The following CDH13 variants were observed in gnomAD, a reference collection of about 807,000 sequenced individuals.
CDH13 encodes cadherin-13.
CDH13 carries 24 observed loss-of-function variants against 63.8 expected under a neutral mutation model. That is an observed-to-expected ratio of 0.38 (90% CI 0.27 to 0.53). CDH13 has a LOEUF of 0.53. CDH13 is among the 20% of genes least tolerant of loss of function. CDH13 has a pLI of 0.85. For synonymous variants in CDH13, 503 were observed against 355.3 expected, an observed-to-expected ratio of 1.42 and a Z score of -4.67; for missense variants, 1,049 against 903.1, an observed-to-expected ratio of 1.16 and a Z score of -2.07.
At chr16:83,157,064 C>G (rs1430479891) in intron 4 of CDH13, among the ~76,000 whole-genome samples, 1 of 152,176 alleles carries the variant, frequency 6.6e-6, no homozygotes, top group Non-Finnish European at 1.5e-5. Flanking sequence ...CCAATGACGT[C>G]AGGCCACTGT....
chr16:83,485,272 G>A (rs894374337), intron 6 of CDH13, among the ~76,000 whole-genome samples: 1 of 152,204 alleles, frequency 6.6e-6, no homozygotes, highest in Non-Finnish European at 1.5e-5. Context: ...TAGATGCCAA[G>A]GAGGCGAAGG....
chr16:83,374,904 G>A (rs1423416308), intron 6 of CDH13, among the ~76,000 whole-genome samples: 2 of 152,166 alleles, frequency 1.3e-5, no homozygotes, highest in African/African-American at 2.4e-5. Context: ...ACATCCAAAT[G>A]TGGGCAGCCT....
At chr16:83,728,416 C>T (rs1376535235) in intron 10 of CDH13, among the ~76,000 whole-genome samples, 1 of 151,316 alleles carries the variant, frequency 6.6e-6, no homozygotes, top group African/African-American at 2.4e-5. Context: ...AAGGTCTTGA[C>T]AAACAACAGT....
At chr16:83,084,039 G>A (rs1329131043) in intron 3 of CDH13, among the ~76,000 whole-genome samples, 6 of 152,130 alleles carry the variant, frequency 3.9e-5, no homozygotes, top group Admixed American at 3.9e-4. Context: ...ACTACACTTT[G>A]TGGCCACATG....
At chr16:83,373,599 G>T (rs12597486) in intron 6 of CDH13, among the ~76,000 whole-genome samples, 24,886 of 152,188 alleles carry the variant, frequency 0.16, 3,091 homozygotes, top group African/African-American at 0.35. Flanking sequence ...AGGTGTTGGA[G>T]AGAGGCAGGC....
At chr16:82,711,392 G>C (rs1249939928) in intron 1 of CDH13, among the ~76,000 whole-genome samples, 1 of 152,136 alleles carries the variant, frequency 6.6e-6, no homozygotes, top group African/African-American at 2.4e-5. Context: ...TGGCACTTGG[G>C]ATTCTGGAAT....
intron 5 of CDH13, among the ~76,000 whole-genome samples, chr16:83,239,587 G>A (rs1904299294): frequency 6.6e-6 from 1 of 152,120 alleles, no homozygotes; most frequent in African/African-American, 2.4e-5. Context: ...AAGAAAATAG[G>A]CATAGCATCA....
chr16:83,373,474 C>A (rs763026338), intron 6 of CDH13, among the ~76,000 whole-genome samples: 2 of 151,908 alleles, frequency 1.3e-5, no homozygotes, highest in Non-Finnish European at 2.9e-5. Flanking sequence ...AACCTATGTA[C>A]GAAGACCTGA....
In CDH13 at chr16:83,236,237, G is replaced by GCACACACACACACA. The variant is rs3049880; in HGVS notation, c.636+18753_636+18766dup. ...AGCCCCCTGCAACACACACGCACATGCACACACACACACACACACACACAC... is the reference window on the plus strand; with the variant it reads ...AGCCCCCTGCAACACACACGCACATGCACACACACACACACACACACACACACACACACACACAC... On this transcript the variant is annotated intron_variant, in intron 5 of 13. Transcript: ENST00000567109. 4.4e-3 allele frequency among the ~76,000 whole-genome samples: 660 copies of GCACACACACACACA among 148,994 alleles called. 10 individuals are homozygous for GCACACACACACACA. Among genetic ancestry groups the GCACACACACACACA allele is most frequent in the African/African-American group, 0.015 (601 of 40,396 alleles).
At chr16:83,374,130 C>T (rs1444496365) in intron 6 of CDH13, among the ~76,000 whole-genome samples, 1 of 152,186 alleles carries the variant, frequency 6.6e-6, no homozygotes, top group East Asian at 1.9e-4. Flanking sequence ...TGCTGCTGTT[C>T]CATAAAGCAA....
chr16:82,824,377 G>C (rs2038143967), intron 1 of CDH13: 1 of 152,056 alleles, frequency 6.6e-6, no homozygotes, highest in Non-Finnish European at 1.5e-5. Context: ...ATTAACTAGT[G>C]GATGAAGAGA....
intron 1 of CDH13, among the ~76,000 whole-genome samples, chr16:82,833,630 G>A (rs186779800): frequency 3.9e-4 from 60 of 152,186 alleles, no homozygotes; most frequent in Admixed American, 1.4e-3. Context: ...CTTCCCTCCC[G>A]CTCTGTTCTT....
chr16:82,778,698 C>T (rs1350761108), intron 1 of CDH13, among the ~76,000 whole-genome samples: 1 of 150,482 alleles, frequency 6.6e-6, no homozygotes, highest in African/African-American at 2.4e-5. Flanking sequence ...CTTCCTAAAA[C>T]TAGTAGATTT....
chr16:83,669,521 C>G (rs925340588), intron 8 of CDH13, among the ~76,000 whole-genome samples: 4 of 152,080 alleles, frequency 2.6e-5, no homozygotes, highest in African/African-American at 9.7e-5. Flanking sequence ...CCTCAGTATC[C>G]CTTCTCATTC....
chr16:83,040,664 C>G (rs576186007), intron 3 of CDH13, among the ~76,000 whole-genome samples: 1 of 152,176 alleles, frequency 6.6e-6, no homozygotes, highest in Non-Finnish European at 1.5e-5. Context: ...TCCCAGTCTA[C>G]TGACTCACAT....
chr16:83,785,892 A>C (rs1457159116), intron 13 of CDH13, among the ~76,000 whole-genome samples: 1 of 152,180 alleles, frequency 6.6e-6, no homozygotes, highest in African/African-American at 2.4e-5. Flanking sequence ...GTTTAGGTAC[A>C]GGCTCCTGGA....
intron 6 of CDH13, among the ~76,000 whole-genome samples, chr16:83,455,896 A>C (rs535609663): frequency 6.6e-6 from 1 of 152,344 alleles, no homozygotes; most frequent in African/African-American, 2.4e-5. Context: ...GCAGCTCTGG[A>C]AAAACGACAG....
chr16:82,649,241 A>G (rs554311776), intron 1 of CDH13, among the ~76,000 whole-genome samples: 26 of 152,338 alleles, frequency 1.7e-4, no homozygotes, highest in African/African-American at 6.0e-4. Context: ...CACAGGGTCC[A>G]AACTCAGATT....
intron 2 of CDH13, among the ~76,000 whole-genome samples, chr16:82,871,990 T>C (rs551934848): frequency 3.3e-5 from 5 of 152,338 alleles, no homozygotes; most frequent in African/African-American, 9.6e-5. Context: ...AAGCCAGTTA[T>C]TATATCCAAG....
Sources: gnomAD v4.1 joint callset for allele counts (sites outside exome capture counted in the v4.1 genomes callset) on GRCh38, gnomAD v4.1.1 for gene constraint, MANE v1.5 for transcripts, NCBI Gene and HGNC (gene_info 2026-07-23, HGNC 2026-07-21) for gene names.